Variants in CDK15 observed in about 807,000 individuals in gnomAD.
CDK15 encodes the protein cyclin-dependent kinase 15.
CDK15 carries 62 observed loss-of-function variants against 60.3 expected under a neutral mutation model. That is an observed-to-expected ratio of 1.03 (90% CI 0.84 to 1.27). The LOEUF (loss-of-function observed/expected upper bound fraction) is 1.27, where lower values mean the gene tolerates loss of function less well. Ranked by LOEUF, CDK15 falls within the 50% of genes most tolerant of loss-of-function variation. The pLI is 0.00. For synonymous variants in CDK15, 194 were observed against 195.7 expected (o/e 0.99, Z 0.07); for missense variants, 541 against 527.8 (o/e 1.03, Z -0.25).
chr2:201,838,950 G>A (rs192103637), intron 8 of CDK15, among the ~76,000 whole-genome samples: 71 of 150,824 alleles, frequency 4.7e-4, no homozygotes, highest in African/African-American at 1.7e-3. Context: ...TTTAAGGGTT[G>A]TTTTTTTTTG....
chr2:201,867,784 A>T (rs1422474311), intron 10 of CDK15, among the ~76,000 whole-genome samples: 1 of 152,160 alleles, frequency 6.6e-6, no homozygotes, highest in African/African-American at 2.4e-5. Context: ...ACCTCTCCAA[A>T]ATGAGAGGTC....
chr2:201,876,075 C>T (rs1244523380), intron 11 of CDK15, among the ~76,000 whole-genome samples: 5 of 152,152 alleles, frequency 3.3e-5, no homozygotes, highest in Non-Finnish European at 7.3e-5. Flanking sequence ...TATGAATTCA[C>T]ATTTACCTTG....
chr2:201,854,643 T>G, intron 9 of CDK15: 1 of 520,478 alleles, frequency 1.9e-6, no homozygotes, highest in South Asian at 3.0e-5. Flanking sequence ...AGTGAGTCAG[T>G]AAGAATGCAG....
At chr2:201,855,082 A>G (rs1698088698) in intron 10 of CDK15, 145 bp downstream of exon 10, 2 of 682,094 alleles carry the variant, frequency 2.9e-6, no homozygotes, top group East Asian at 2.7e-5. Context: ...TTCCCTGACT[A>G]ATCTTTGTAT....
intron 12 of CDK15, among the ~76,000 whole-genome samples, chr2:201,881,948 A>C (rs1699293495): frequency 6.6e-6 from 1 of 152,072 alleles, no homozygotes; most frequent in South Asian, 2.1e-4. Flanking sequence ...AACTTTCCCC[A>C]TTGGCCCTCC....
rs62195470 is a variant in CDK15 at position 201,867,954 on chromosome 2, C to G, written c.1010-4324C>G. On this transcript the variant is annotated intron_variant, in intron 10 of 13. Coordinates refer to ENST00000652192, the MANE Select transcript of CDK15 (RefSeq NM_001366386.2). ...TTTAACCAGAGAGGCTAAGCAATTT[C>G]CCTAAAGTCTCAAAGCTCGTAAGTG... 8.7e-4 allele frequency among the ~76,000 whole-genome samples: 133 copies of G among 152,292 alleles called. 2 individuals are homozygous for G. Among genetic ancestry groups the G allele is most frequent in the South Asian group, 1.9e-3 (9 of 4,826 alleles).
chr2:201,887,455 C>T (rs1246804385), intron 12 of CDK15, among the ~76,000 whole-genome samples: 1 of 152,128 alleles, frequency 6.6e-6, no homozygotes, highest in Non-Finnish European at 1.5e-5. Context: ...CAAAATGGCA[C>T]AGGCAGTCTG....
intron 7 of CDK15, among the ~76,000 whole-genome samples, chr2:201,834,272 C>A (rs1164403796): frequency 6.6e-6 from 1 of 152,098 alleles, no homozygotes; most frequent in Non-Finnish European, 1.5e-5. Flanking sequence ...GTAAGTTTTC[C>A]TAAATCTAAG....
chr2:201,879,037 C>T (rs1014217366), intron 11 of CDK15, among the ~76,000 whole-genome samples: 3 of 152,236 alleles, frequency 2.0e-5, no homozygotes, highest in African/African-American at 7.2e-5. Flanking sequence ...TGCCAGAAGA[C>T]AGTCTTGTCC....
chr2:201,814,821 T>C (rs1695921138), intron 4 of CDK15, among the ~76,000 whole-genome samples: 1 of 152,242 alleles, frequency 6.6e-6, no homozygotes, highest in African/African-American at 2.4e-5. Flanking sequence ...ACTACATATA[T>C]GGTCTCTTTC....
chr2:201,811,845 G>C (rs947169407), intron 3 of CDK15, among the ~76,000 whole-genome samples: 1 of 152,130 alleles, frequency 6.6e-6, no homozygotes, highest in Non-Finnish European at 1.5e-5. Flanking sequence ...GTAAATAGTA[G>C]GAGTGCAAGT....
chr2:201,851,432 C>T (rs1482579561), intron 9 of CDK15, among the ~76,000 whole-genome samples: 2 of 151,976 alleles, frequency 1.3e-5, no homozygotes, highest in Non-Finnish European at 2.9e-5. Flanking sequence ...TCGCTGCATC[C>T]TCCAGAGAGG....
At chr2:201,819,906 A>T (rs773122421) in intron 4 of CDK15, among the ~76,000 whole-genome samples, 15 of 152,210 alleles carry the variant, frequency 9.9e-5, no homozygotes, top group Non-Finnish European at 1.8e-4. Flanking sequence ...AACTGTAATT[A>T]TCAAGAAGAT....
At chr2:201,875,966 T>C (rs1027474461) in intron 11 of CDK15, among the ~76,000 whole-genome samples, 1 of 152,218 alleles carries the variant, frequency 6.6e-6, no homozygotes, top group Non-Finnish European at 1.5e-5. Flanking sequence ...CAGGATTCTT[T>C]ACCTTTAATA....
intron 4 of CDK15, among the ~76,000 whole-genome samples, chr2:201,817,723 G>A (rs1696054285): frequency 6.6e-6 from 1 of 152,158 alleles, no homozygotes; most frequent in African/African-American, 2.4e-5. Context: ...GTCTAGGGTA[G>A]GCCTGGTTGA....
At chr2:201,888,976 T>A (rs952511531) in intron 12 of CDK15, 9 of 986,018 alleles carry the variant, frequency 9.1e-6, no homozygotes, top group Non-Finnish European at 1.1e-5. Context: ...TTGCATATTA[T>A]AATATCCGTG....
At chr2:201,829,859 G>A (rs1696672930) in intron 6 of CDK15, among the ~76,000 whole-genome samples, 2 of 151,706 alleles carry the variant, frequency 1.3e-5, no homozygotes, top group Non-Finnish European at 2.9e-5. Context: ...CCAGGCTGGA[G>A]TGCAGTGGCG....
rs186975798 is a variant in CDK15, at chr2:201,856,493, C to G, written c.1009+1556C>G. ...CGTGAGAAAAATGCTACTCTCTGGT[C>G]ACAGGACTTAGAATAGTGCCTATTT... On this transcript the variant is annotated intron_variant, in intron 10 of 13. Coordinates refer to ENST00000652192, the MANE Select transcript of CDK15 (RefSeq NM_001366386.2). 2.6e-5 allele frequency among the ~76,000 whole-genome samples: 4 copies of G among 152,266 alleles called. No individual in the cohort carries two copies. In the East Asian group the frequency reaches 7.7e-4, roughly 29 times the overall value.
intron 8 of CDK15, among the ~76,000 whole-genome samples, chr2:201,837,463 G>GAAGGA (rs1697172184): frequency 2.5e-5 from 1 of 40,492 alleles, no homozygotes; most frequent in Non-Finnish European, 5.4e-5. Flanking sequence ...AGGAAGGAAG[G>GAAGGA]AAGGAAGGAA....
Sources: gnomAD v4.1 joint callset for allele counts (sites outside exome capture counted in the v4.1 genomes callset) on GRCh38, gnomAD v4.1.1 for gene constraint, MANE v1.5 for transcripts, NCBI Gene and HGNC (gene_info 2026-07-23, HGNC 2026-07-21) for gene names.